TG: variants seen among roughly 807,000 people sequenced by gnomAD.
TG encodes the protein thyroid hormones.
TG carries 270 observed loss-of-function variants against 324.7 expected under a neutral mutation model. The ratio of observed to expected loss-of-function variants is 0.83; its 90% CI spans 0.75 to 0.92. The LOEUF is 0.92. TG is among the 40% of genes least tolerant of loss of function. TG has a pLI of 0.00. For synonymous variants in TG, 1,401 were observed against 1,327.0 expected (o/e 1.06, Z -1.21); for missense variants, 3,591 against 3,456.4 (o/e 1.04, Z -0.98).
At chr8:133,044,993 G>A in intron 41 of TG, 3 of 1,614,146 alleles carry the variant, frequency 1.9e-6, no homozygotes, top group Non-Finnish European at 2.5e-6. Flanking sequence ...CCAGAATAGT[G>A]GTTCACCAGG....
At chr8:133,107,189 G>A (rs1849874876) in intron 43 of TG, among the ~76,000 whole-genome samples, 1 of 152,178 alleles carries the variant, frequency 6.6e-6, no homozygotes, top group Non-Finnish European at 1.5e-5. Context: ...TTTGTTCATT[G>A]GAGGTGAATC....
chr8:132,867,437 A>G (rs1839040371), intron 1 of TG, among the ~76,000 whole-genome samples: 1 of 152,030 alleles, frequency 6.6e-6, no homozygotes, highest in African/African-American at 2.4e-5. Flanking sequence ...AGAAAAAGAA[A>G]TCTACCTATG....
At chr8:132,933,513 G>T (rs1452632388) in intron 23 of TG, 48 bp from the exon 24 acceptor site, 1 of 1,539,794 alleles carries the variant, frequency 6.5e-7, no homozygotes, top group South Asian at 1.1e-5. Context: ...TCTGCCCTCA[G>T]CATCCCCCGG....
intron 38 of TG, among the ~76,000 whole-genome samples, chr8:133,019,141 G>A (rs1835331754): frequency 6.6e-6 from 1 of 152,144 alleles, no homozygotes; most frequent in Admixed American, 6.5e-5. Context: ...GATGACCATT[G>A]CGCTGCCATT....
intron 26 of TG, among the ~76,000 whole-genome samples, chr8:132,944,255 T>C (rs953579568): frequency 1.3e-5 from 2 of 152,160 alleles, no homozygotes; most frequent in Non-Finnish European, 2.9e-5. Flanking sequence ...GTCACCTCAG[T>C]CTGCATTTAA....
intron 35 of TG, among the ~76,000 whole-genome samples, chr8:132,990,439 C>A (rs948794475): frequency 2.6e-5 from 4 of 152,046 alleles, no homozygotes; most frequent in African/African-American, 9.6e-5. Flanking sequence ...GTGAACATTC[C>A]AAATCCTCTC....
intron 35 of TG, among the ~76,000 whole-genome samples, chr8:132,985,746 G>C (rs1022588063): frequency 6.6e-6 from 1 of 152,100 alleles, no homozygotes; most frequent in South Asian, 2.1e-4. Flanking sequence ...GATCGTGTGG[G>C]TGCTTCCTTC....
rs373609995 is a variant in TG, at chr8:132,919,397, A to G, written c.4400A>G (p.Tyr1467Cys). The change falls in exon 21 of 48, where the codon TAT becomes TGT. Residue 1467 changes from tyrosine to cysteine, a missense_variant. Tyr to Cys is a radical substitution (Grantham distance 194). Transcript: ENST00000220616. ...CTAGTTAAGTGTCCTGAAGGAAGCT[A>G]TTCCCAAGATGAGGAATGCATTCCT... The part of the protein sequence containing the change: ...LGCVKCPEGS[Y>C]SQDEECIPCP... 5.8e-5 allele frequency: 94 copies of G among 1,614,010 alleles called. No homozygotes were observed. The highest frequency in any genetic ancestry group is 7.8e-5 in the Non-Finnish European group (92 of 1,180,026).
At chr8:133,038,316 G>A in intron 41 of TG, 1 of 590,844 alleles carries the variant, frequency 1.7e-6, no homozygotes, top group Non-Finnish European at 3.0e-6. Flanking sequence ...GTTTCGTGAT[G>A]CCACAGCCCT....
In TG at chr8:132,871,475, G is replaced by T. The variant is rs1160217865; in HGVS notation, c.402G>T (p.Gln134His). 1 of 1,614,230 alleles carries T rather than the reference G, an allele frequency of 6.2e-7. No individual in the cohort carries two copies. The highest frequency in any genetic ancestry group is 1.1e-5 in the South Asian group (1 of 91,090). The change falls in exon 4 of 48, where the codon CAG becomes CAT. Residue 134 changes from glutamine to histidine, a missense_variant. Coordinates refer to ENST00000220616, the MANE Select transcript of TG (RefSeq NM_003235.5). ...ACGCGCCTGTTCAGTGTGATGTGCA[G>T]CAGGTCCAGTGCTGGTGTGTGGACG... ...GDYAPVQCDVQQVQCWCVDAE... is the reference protein window; with the variant it reads ...GDYAPVQCDVHQVQCWCVDAE...
intron 41 of TG, chr8:133,087,577 T>C (rs1846793046): frequency 6.6e-6 from 1 of 152,228 alleles, no homozygotes; most frequent in Non-Finnish European, 1.5e-5. Flanking sequence ...CAAGGATCAG[T>C]CATATTTTAG....
chr8:132,917,236 G>A (rs1045624944), intron 20 of TG, among the ~76,000 whole-genome samples: 2 of 152,050 alleles, frequency 1.3e-5, no homozygotes, highest in African/African-American at 4.8e-5. Flanking sequence ...TATTCAGCTA[G>A]ACCATCCTGT....
intron 45 of TG, among the ~76,000 whole-genome samples, chr8:133,122,003 A>G (rs1369242496): frequency 6.6e-6 from 1 of 151,936 alleles, no homozygotes; most frequent in African/African-American, 2.4e-5. Flanking sequence ...CACATCTCTC[A>G]TTTTATTTCT....
At chr8:133,128,363 A>ACACACG (rs1851695260) in intron 45 of TG, among the ~76,000 whole-genome samples, 3 of 151,670 alleles carry the variant, frequency 2.0e-5, no homozygotes, top group African/African-American at 7.3e-5. Flanking sequence ...ACACACACAC[A>ACACACG]CACACACACA....
chr8:133,095,851 A>T (rs1848322217), intron 42 of TG, among the ~76,000 whole-genome samples: 2 of 152,240 alleles, frequency 1.3e-5, no homozygotes, highest in African/African-American at 4.8e-5. Flanking sequence ...ATTTGATCAT[A>T]GCTGGAGCTG....
At chr8:133,100,784 G>C (rs1240628703) in intron 43 of TG, among the ~76,000 whole-genome samples, 1 of 152,022 alleles carries the variant, frequency 6.6e-6, no homozygotes, top group East Asian at 1.9e-4. Flanking sequence ...ATGTGCAAAG[G>C]GCTTTCCAAT....
intron 43 of TG, among the ~76,000 whole-genome samples, chr8:133,098,712 C>A (rs1226116379): frequency 2.6e-5 from 4 of 152,156 alleles, no homozygotes; most frequent in African/African-American, 9.7e-5. Flanking sequence ...GTGGTTAGTT[C>A]CCAGACCTCT....
chr8:133,032,990 A>G (rs1173597748), intron 41 of TG, among the ~76,000 whole-genome samples: 1 of 152,230 alleles, frequency 6.6e-6, no homozygotes, highest in Non-Finnish European at 1.5e-5. Context: ...GTTAAGGACT[A>G]GAACCTAAAG....
chr8:132,995,315 A>T, intron 35 of TG: 1 of 985,122 alleles, frequency 1.0e-6, no homozygotes, highest in Non-Finnish European at 1.2e-6. Flanking sequence ...CAAGTGCTTG[A>T]TAAATGGAAT....
Sources: gnomAD v4.1 joint callset for allele counts (sites outside exome capture counted in the v4.1 genomes callset) on GRCh38, gnomAD v4.1.1 for gene constraint, MANE v1.5 for transcripts, NCBI Gene and HGNC (gene_info 2026-07-23, HGNC 2026-07-21) for gene names.